CFAP43: variants seen among roughly 807,000 people sequenced by gnomAD.
CFAP43 encodes cilia- and flagella-associated protein 43.
A neutral mutation model predicts 218.9 loss-of-function variants in CFAP43; 155 were observed. The observed-to-expected ratio is 0.71, with a 90% CI of 0.62 to 0.81. The LOEUF is 0.81. Among genes scored for constraint, CFAP43 ranks in the 30% least tolerant of loss-of-function variants. The probability of loss-of-function intolerance (pLI) is 0.00; values close to 1 mark genes in which losing one functional copy is unlikely to be tolerated. For missense variants in CFAP43, 1,778 were observed against 1,954.3 expected, an observed-to-expected ratio of 0.91 and a Z score of 1.70; for synonymous variants, 645 against 681.3, an observed-to-expected ratio of 0.95 and a Z score of 0.83.
chr10:104,171,121 C>T (rs142481088), intron 20 of CFAP43, among the ~76,000 whole-genome samples: 1 of 152,248 alleles, frequency 6.6e-6, no homozygotes, highest in Non-Finnish European at 1.5e-5. Context: ...TCACAGCATC[C>T]AGTTTGTTTC....
intron 36 of CFAP43, 149 bp from the exon 37 acceptor site, chr10:104,131,633 A>G: frequency 1.1e-6 from 1 of 896,980 alleles, no homozygotes; most frequent in Non-Finnish European, 1.6e-6. Flanking sequence ...CATAGTAGGC[A>G]CTCGAGTTAT....
At chr10:104,132,475 G>C in intron 35 of CFAP43, 1 of 247,660 alleles carries the variant, frequency 4.0e-6, no homozygotes, top group South Asian at 1.5e-4. Context: ...TTAGTTGGGC[G>C]TGGTGGCACA....
chr10:104,133,065 G>C (rs954207428), intron 35 of CFAP43, among the ~76,000 whole-genome samples: 1 of 152,238 alleles, frequency 6.6e-6, no homozygotes, highest in African/African-American at 2.4e-5. Context: ...GGCAAACTAA[G>C]AAGAGCTGCT....
intron 6 of CFAP43, 87 bp downstream of exon 6, chr10:104,207,578 A>T: frequency 7.8e-7 from 1 of 1,287,910 alleles, no homozygotes; most frequent in Non-Finnish European, 1.1e-6. Flanking sequence ...GGATTCAAAG[A>T]TGTCTCCAAG....
intron 19 of CFAP43, among the ~76,000 whole-genome samples, 190 bp from the exon 20 acceptor site, chr10:104,172,725 A>C (rs535623402): frequency 6.6e-6 from 1 of 152,272 alleles, no homozygotes; most frequent in South Asian, 2.1e-4. Context: ...ATCCTTAAAA[A>C]CTCTTTCATT....
intron 3 of CFAP43, among the ~76,000 whole-genome samples, chr10:104,220,936 C>G (rs1404801269): frequency 2.0e-5 from 3 of 150,096 alleles, no homozygotes; most frequent in Non-Finnish European, 2.9e-5. Context: ...TTTTCTAACT[C>G]TATATGAGTG....
At chr10:104,218,079 TG>T (rs1256860195) in intron 3 of CFAP43, among the ~76,000 whole-genome samples, 1 of 152,204 alleles carries the variant, frequency 6.6e-6, no homozygotes, top group Non-Finnish European at 1.5e-5. Flanking sequence ...CCGGGCGCAG[TG>T]GCTCACGCCT....
chr10:104,217,960 T>C (rs575456541), intron 3 of CFAP43, among the ~76,000 whole-genome samples: 1 of 152,382 alleles, frequency 6.6e-6, no homozygotes, highest in South Asian at 2.1e-4. Context: ...AGTTTCTAAA[T>C]GTTGCTATGA....
intron 34 of CFAP43, among the ~76,000 whole-genome samples, chr10:104,135,911 A>AAACAAAAAGT: frequency 6.6e-6 from 1 of 152,170 alleles, no homozygotes; most frequent in Non-Finnish European, 1.5e-5. Flanking sequence ...ACAATATTGA[A>AAACAAAAAGT]AACAAAAAGT....
chr10:104,141,331 G>A (rs978677964), intron 33 of CFAP43, among the ~76,000 whole-genome samples: 2 of 152,186 alleles, frequency 1.3e-5, no homozygotes, highest in African/African-American at 4.8e-5. Context: ...AACAAATCTG[G>A]CCAGGCGCAG....
intron 27 of CFAP43, among the ~76,000 whole-genome samples, chr10:104,157,808 G>GAGAGAGAGAGAGAT (rs2088653428): frequency 7.2e-6 from 1 of 139,574 alleles, no homozygotes; most frequent in African/African-American, 2.6e-5. Flanking sequence ...GAGAGAGAGA[G>GAGAGAGAGAGAGAT]AATGACTCCT....
chr10:104,193,751 C>T, intron 11 of CFAP43, 115 bp downstream of exon 11: 9 of 1,332,998 alleles, frequency 6.8e-6, no homozygotes, highest in Non-Finnish European at 8.1e-6. Context: ...AATATATTAA[C>T]ATTCAAAACA....
At chr10:104,182,263 G>T in intron 17 of CFAP43, 103 bp downstream of exon 17, 1 of 1,273,670 alleles carries the variant, frequency 7.9e-7, no homozygotes. Flanking sequence ...TGGATAAAGA[G>T]AAATATTACT....
At position 104,192,197 on chromosome 10, in the gene CFAP43, A is replaced by T. The variant is rs1340481695; in HGVS notation, c.1546+2T>A. 1 of 1,599,880 alleles carries T rather than the reference A, an allele frequency of 6.3e-7. No homozygotes were observed. The highest frequency in any genetic ancestry group is 1.1e-5 in the South Asian group (1 of 90,126). On this transcript the variant is annotated splice_donor_variant, in intron 12 of 37. Coordinates refer to ENST00000357060, the MANE Select transcript of CFAP43 (RefSeq NM_025145.7). LOFTEE classifies it high-confidence loss of function. ...TAAATTAATCAGCATTCTATGTTGT[A>T]CCTGTGAATCCAATAATCTGAAATG...
chr10:104,135,013 A>G (rs1008143451), intron 34 of CFAP43, among the ~76,000 whole-genome samples: 8 of 152,212 alleles, frequency 5.3e-5, no homozygotes, highest in Non-Finnish European at 2.9e-5. Context: ...CCAGCAGCAC[A>G]TTGAAAGGAT....
chr10:104,214,186 A>G (rs534815695), intron 4 of CFAP43, 73 bp downstream of exon 4: 12 of 1,435,236 alleles, frequency 8.4e-6, no homozygotes, highest in South Asian at 1.6e-5. Flanking sequence ...TAATTCATCA[A>G]ATTGACCCAA....
intron 20 of CFAP43, among the ~76,000 whole-genome samples, chr10:104,169,433 A>C (rs1027986996): frequency 6.6e-6 from 1 of 152,072 alleles, no homozygotes; most frequent in Non-Finnish European, 1.5e-5. Flanking sequence ...GGGATCATAC[A>C]ATCTGTGTTT....
intron 2 of CFAP43, among the ~76,000 whole-genome samples, chr10:104,225,952 C>T (rs920633979): frequency 6.6e-6 from 1 of 152,240 alleles, no homozygotes. Context: ...TTCTAGCTTA[C>T]TTCCTTATTT....
chr10:104,152,365 G>C (rs771776556), intron 28 of CFAP43, among the ~76,000 whole-genome samples: 1 of 152,152 alleles, frequency 6.6e-6, no homozygotes, highest in African/African-American at 2.4e-5. Flanking sequence ...AGTGTTGGTA[G>C]ACAGTATTAC....
Sources: gnomAD v4.1 joint callset for allele counts (sites outside exome capture counted in the v4.1 genomes callset) on GRCh38, gnomAD v4.1.1 for gene constraint, MANE v1.5 for transcripts, NCBI Gene and HGNC (gene_info 2026-07-23, HGNC 2026-07-21) for gene names.